Variants in RBM44 observed in about 807,000 individuals in gnomAD.
RBM44 encodes the protein RNA binding motif protein 44.
Under a neutral mutation model 105.1 loss-of-function variants are expected in RBM44, and 66 were observed. The observed-to-expected ratio is 0.63, with a 90% CI of 0.52 to 0.77. The LOEUF is 0.77. Ranked by LOEUF, RBM44 falls within the 30% of genes least tolerant of loss-of-function variation. The pLI is 0.00. For missense variants in RBM44, 1,122 were observed against 1,207.8 expected (o/e 0.93, Z 1.05); for synonymous variants, 365 against 417.6 (o/e 0.87, Z 1.54).
At position 237,842,599 on chromosome 2, in the gene RBM44, G is replaced by T. The variant is rs1001216810; in HGVS notation, c.*783G>T. ...ATCTGATAGAAATATAGAATAGATA[G>T]TTCTTTAATTGCTTACTTTTTAAAA... is the stretch of plus-strand genomic sequence containing the variant. On this transcript the variant is annotated 3_prime_UTR_variant, in exon 16 of 16. Coordinates refer to ENST00000316997, the MANE Select transcript of RBM44 (RefSeq NM_001080504.3). The T allele has an allele frequency of 6.6e-6, 1 of 152,004 alleles. No individual in the cohort carries two copies. The highest frequency in any genetic ancestry group is 1.5e-5 in the Non-Finnish European group (1 of 67,944). 9.4% of individuals were successfully genotyped at this position (152,004 alleles called of 1,614,324 possible).
chr2:237,808,481 GAA>G (rs61185065), intron 1 of RBM44, among the ~76,000 whole-genome samples: 1 of 125,376 alleles, frequency 8.0e-6, no homozygotes, highest in Non-Finnish European at 1.8e-5. Flanking sequence ...AAGCATAACA[GAA>G]AAAAAAAAAA....
intron 12 of RBM44, among the ~76,000 whole-genome samples, chr2:237,828,342 T>C (rs1192819060): frequency 2.0e-5 from 3 of 152,158 alleles, no homozygotes; most frequent in African/African-American, 7.2e-5. Flanking sequence ...AATGAAGTCA[T>C]ATAATTGTAA....
intron 5 of RBM44, 194 bp downstream of exon 5, chr2:237,820,545 G>T (rs2061775318): frequency 4.9e-6 from 2 of 407,518 alleles, no homozygotes; most frequent in Admixed American, 4.4e-5. Context: ...TTGGCATGAT[G>T]AATCCAGTGA....
chr2:237,821,236 C>G lies in RBM44; in HGVS notation c.2079C>G (p.Phe693Leu), dbSNP rs1245101040. 6.2e-7 allele frequency: 1 copy of G among 1,602,358 alleles called. No individual in the cohort carries two copies. Among genetic ancestry groups the G allele is most frequent in the Admixed American group, 1.7e-5 (1 of 58,336 alleles). ...LSLESKLLST[F>L]STFASRLMKK... is the part of the protein sequence containing the mutation. The stretch of plus-strand genomic sequence containing the variant: ...TAGAATCAAAATTATTATCTACCTT[C>G]TCTACTTTTGCTTCCAGGGTATGTA... Residue 693 changes from phenylalanine to leucine, a missense_variant, in exon 6 of 16, where the codon TTC becomes TTG. This residue lies in a region of RBM44 where 918 missense variants were observed against 955.3 expected (regional missense o/e 0.96). Coordinates refer to ENST00000316997, the MANE Select transcript of RBM44 (RefSeq NM_001080504.3).
At position 237,829,305 on chromosome 2, in the gene RBM44, A is replaced by G. The variant is rs1016315913; in HGVS notation, c.2689A>G (p.Asn897Asp). 3 of 1,613,268 alleles carry G rather than the reference A, an allele frequency of 1.9e-6. No individual in the cohort carries two copies. The highest frequency in any genetic ancestry group is 2.5e-6 in the Non-Finnish European group (3 of 1,179,436). Residue 897 changes from asparagine to aspartate, a missense_variant, in exon 13 of 16, where the codon AAT (asparagine) becomes GAT (aspartate). Around this residue, in one of 3 missense-constraint regions of RBM44, gnomAD observed 194 missense variants for 225.5 expected, o/e 0.86. Coordinates refer to ENST00000316997, the MANE Select transcript of RBM44 (RefSeq NM_001080504.3). ...NGIEINGKSV[N>D]VWPVKILGEY... Reference sequence around the variant, plus strand: ...GATAGAAATAAATGGAAAGTCAGTAAATGTGTGGCCTGTTAAAATTCTTGG... The same window carrying G: ...GATAGAAATAAATGGAAAGTCAGTAGATGTGTGGCCTGTTAAAATTCTTGG...
At chr2:237,834,903 AG>A (rs2061942845) in intron 15 of RBM44, 1 of 152,682 alleles carries the variant, frequency 6.5e-6, no homozygotes, top group Admixed American at 6.5e-5. Flanking sequence ...AGAGAGAGCA[AG>A]ATGGAAGCTG....
At position 237,817,185 on chromosome 2, in the gene RBM44, CAG is replaced by C. The variant is rs1407333172; in HGVS notation, c.271_272del (p.Ser91TyrfsTer7). 1.2e-6 allele frequency: 2 copies of C among 1,602,772 alleles called. No homozygotes were observed. Among genetic ancestry groups the C allele is most frequent in the South Asian group, 1.1e-5 (1 of 89,766 alleles). ...TTTTCAGTGAGTCAAGATACTAACA[CAG>C]AGAGTACTCAGTTTCAGTCAAGTGA... is the stretch of plus-strand genomic sequence containing the variant. On this transcript the variant is annotated frameshift_variant, in exon 3 of 16. Transcript: ENST00000316997. LOFTEE classifies it high-confidence loss of function.
rs1416250734 is a variant in RBM44, at chr2:237,823,589, T to C, written c.2320+35T>C. Reference sequence around the variant, plus strand: ...AAAATGTGTTATCTTGTATAGTTGCTGGAAAACAAAATAAGGTTTAAAGTA... The same window carrying C: ...AAAATGTGTTATCTTGTATAGTTGCCGGAAAACAAAATAAGGTTTAAAGTA... On this transcript the variant is annotated intron_variant, in intron 9 of 15. Coordinates refer to ENST00000316997, the MANE Select transcript of RBM44 (RefSeq NM_001080504.3). 1.6e-5 allele frequency: 15 copies of C among 953,098 alleles called. No individual in the cohort carries two copies. The Admixed American group carries it at 3.0e-4, about 19-fold the overall frequency. 59.0% of individuals were successfully genotyped at this position (953,098 alleles called of 1,614,324 possible).
intron 13 of RBM44, 89 bp downstream of exon 13, chr2:237,829,591 T>C (rs1385799070): frequency 1.6e-5 from 18 of 1,151,532 alleles, no homozygotes; most frequent in Admixed American, 7.1e-5. Context: ...CAATATGCAG[T>C]CTTGAAATGG....
chr2:237,805,867 G>A (rs544392295), intron 1 of RBM44, among the ~76,000 whole-genome samples: 1 of 152,122 alleles, frequency 6.6e-6, no homozygotes, highest in South Asian at 2.1e-4. Flanking sequence ...CAAGGGGGTA[G>A]GTGGGGGAGT....
At chr2:237,813,273 G>A (rs2061676617) in intron 1 of RBM44, among the ~76,000 whole-genome samples, 1 of 152,126 alleles carries the variant, frequency 6.6e-6, no homozygotes, top group Non-Finnish European at 1.5e-5. Flanking sequence ...ATTAACCCAT[G>A]AGGTAACATA....
rs532927815 is a variant in RBM44 at position 237,807,524 on chromosome 2, T to C, written c.-18-6068T>C. ...GATAAGAAGTTACCAGGTCACAACT[T>C]GCAAAAGAATAGGAACCTTAAGAAG... is the stretch of plus-strand genomic sequence containing the variant. On this transcript the variant is annotated intron_variant, in intron 1 of 15. Coordinates refer to ENST00000316997, the MANE Select transcript of RBM44 (RefSeq NM_001080504.3). Among the ~76,000 whole-genome samples, 5 of 152,328 alleles carry C rather than the reference T, an allele frequency of 3.3e-5. No homozygotes were observed. In the South Asian group the frequency reaches 1.0e-3, roughly 32 times the overall value.
intron 15 of RBM44, among the ~76,000 whole-genome samples, chr2:237,835,129 C>T (rs1361770136): frequency 6.6e-6 from 1 of 152,144 alleles, no homozygotes. Flanking sequence ...ATCTTTGTTA[C>T]TATTGTAATT....
chr2:237,816,897 C>T, intron 2 of RBM44, 96 bp from the exon 3 acceptor site: 1 of 700,422 alleles, frequency 1.4e-6, no homozygotes, highest in East Asian at 2.8e-5. Context: ...TGTAATCCCG[C>T]ATTGGGAAGA....
chr2:237,832,926 G>A (rs1375689077), intron 13 of RBM44, among the ~76,000 whole-genome samples: 7 of 152,188 alleles, frequency 4.6e-5, no homozygotes, highest in Admixed American at 3.9e-4. Context: ...AAATGTTGAT[G>A]AGCTTAAATA....
chr2:237,801,477 A>C (rs1015971050), intron 1 of RBM44, among the ~76,000 whole-genome samples: 3 of 152,086 alleles, frequency 2.0e-5, no homozygotes, highest in African/African-American at 7.2e-5. Context: ...GGCTCACACC[A>C]CCATGCCCAA....
intron 9 of RBM44, 88 bp from the exon 10 acceptor site, chr2:237,824,203 C>A: frequency 1.6e-6 from 2 of 1,262,238 alleles, no homozygotes; most frequent in Admixed American, 2.0e-5. Context: ...TAGTCATCAT[C>A]GTACTGATTC....
chr2:237,824,232 AC>A, intron 9 of RBM44, 58 bp from the exon 10 acceptor site: 2 of 1,569,494 alleles, frequency 1.3e-6, no homozygotes, highest in South Asian at 2.3e-5. Context: ...TTTTAAGGTA[AC>A]TTTTCAGTGT....
Position 237,818,853 on chromosome 2 carries a change from A to G in RBM44, c.1678-48A>G, listed in dbSNP as rs56373101. The stretch of plus-strand genomic sequence containing the variant: ...TGAATTGTACATTTTATTAGTTTGG[A>G]ATTTCAGATATAACTTTTTTAAATT... On this transcript the variant is annotated intron_variant, in intron 3 of 15. Coordinates refer to ENST00000316997, the MANE Select transcript of RBM44 (RefSeq NM_001080504.3). This position sits in a 1 kb window ranked among gnomAD's most constrained non-coding sequence, Gnocchi z 4.6. 1.9e-6 allele frequency: 2 copies of G among 1,056,006 alleles called. No individual in the cohort carries two copies. Among genetic ancestry groups the G allele is most frequent in the South Asian group, 1.5e-5 (1 of 65,996 alleles). The allele number at this position is 1,056,006 out of a possible 1,614,324, so 65.4% of individuals were successfully genotyped here.
Sources: allele counts gnomAD v4.1 joint callset (sites outside exome capture counted in the v4.1 genomes callset), GRCh38; gene constraint gnomAD v4.1.1; regional missense constraint gnomAD v4.1.1; non-coding constraint Gnocchi (gnomAD v3.1); transcripts MANE v1.5; gene names NCBI Gene and HGNC (gene_info 2026-07-23, HGNC 2026-07-21).